PLCB4: variants seen among roughly 807,000 people sequenced by gnomAD.
PLCB4 encodes the protein phospholipase C beta 4.
Under a neutral mutation model 178.8 loss-of-function variants are expected in PLCB4, and 77 were observed. The observed-to-expected ratio is 0.43, with a 90% CI of 0.36 to 0.52. PLCB4 has a LOEUF of 0.52. Among genes scored for constraint, PLCB4 ranks in the 20% least tolerant of loss-of-function variants. The probability of loss-of-function intolerance (pLI) is 0.00; values close to 1 mark genes in which losing one functional copy is unlikely to be tolerated. For synonymous variants in PLCB4, 496 were observed against 490.8 expected, an observed-to-expected ratio of 1.01 and a Z score of -0.14; for missense variants, 1,024 against 1,453.4, an observed-to-expected ratio of 0.70 and a Z score of 4.80.
chr20:9,206,552 A>C (rs1255043730), intron 2 of PLCB4, among the ~76,000 whole-genome samples: 2 of 152,074 alleles, frequency 1.3e-5, no homozygotes, highest in African/African-American at 2.4e-5. Flanking sequence ...TTAGCTTATG[A>C]AGGAGGGAAG....
intron 4 of PLCB4, among the ~76,000 whole-genome samples, chr20:9,311,085 A>G (rs1339514075): frequency 4.6e-5 from 7 of 152,214 alleles, no homozygotes; most frequent in Admixed American, 4.6e-4. Flanking sequence ...GTGTTTTTAA[A>G]AATACATGCA....
At position 9,327,509 on chromosome 20, in the gene PLCB4, G is replaced by T. The variant is rs556003195; in HGVS notation, c.85-9617G>T. On this transcript the variant is annotated intron_variant, in intron 4 of 39. Coordinates refer to ENST00000378473, the MANE Select transcript of PLCB4 (RefSeq NM_001377142.1). ...AAATCAATACTGGCCGGGCGCGGTG[G>T]CTCCCGCCTGTAGTCTCAGCACTTT... Among the ~76,000 whole-genome samples, 76 of 152,054 alleles carry T rather than the reference G, an allele frequency of 5.0e-4. 1 individual carries two copies. The South Asian group carries it at 0.01, about 21-fold the overall frequency.
At position 9,372,419 on chromosome 20, in the gene PLCB4, G is replaced by A; in HGVS notation, c.686+16G>A. Reference sequence around the variant, plus strand: ...TCAAAAAAATGTAAGTTCCACTTATGAGGAAGTGCCATATAAATATTATCA... The same window carrying A: ...TCAAAAAAATGTAAGTTCCACTTATAAGGAAGTGCCATATAAATATTATCA... On this transcript the variant is annotated intron_variant, in intron 11 of 39. Transcript: ENST00000378473. 1 of 1,253,198 alleles carries A rather than the reference G, an allele frequency of 8.0e-7. No individual in the cohort carries two copies. Among genetic ancestry groups the A allele is most frequent in the Non-Finnish European group, 1.2e-6 (1 of 859,794 alleles). 77.6% of individuals were successfully genotyped at this position (1,253,198 alleles called of 1,614,324 possible). A position where few individuals can be genotyped will look rare whatever the true frequency, so the allele number is the denominator to read the frequency against.
At chr20:9,159,524 TCATG>T (rs1238286798) in intron 2 of PLCB4, among the ~76,000 whole-genome samples, 42 of 152,222 alleles carry the variant, frequency 2.8e-4, no homozygotes, top group Non-Finnish European at 5.1e-4. Context: ...TAAAAGCAAT[TCATG>T]AACATACTTA....
chr20:9,195,347 A>G (rs562844013), intron 2 of PLCB4, among the ~76,000 whole-genome samples: 2 of 152,314 alleles, frequency 1.3e-5, no homozygotes, highest in East Asian at 1.9e-4. Flanking sequence ...TGTGTTGGTT[A>G]ATTTTATACG....
At chr20:9,459,872 G>T in intron 35 of PLCB4, 62 bp downstream of exon 35, 1 of 1,119,364 alleles carries the variant, frequency 8.9e-7, no homozygotes, top group Non-Finnish European at 1.3e-6. Context: ...CTGATTTTGT[G>T]TGTATAAGAG....
At chr20:9,349,687 A>G (rs893071429) in intron 7 of PLCB4, among the ~76,000 whole-genome samples, 7 of 152,338 alleles carry the variant, frequency 4.6e-5, no homozygotes, top group Non-Finnish European at 7.3e-5. Context: ...CCTAGTTGCA[A>G]GTGTTATCAA....
At chr20:9,246,629 A>G (rs907303084) in intron 3 of PLCB4, among the ~76,000 whole-genome samples, 2 of 151,520 alleles carry the variant, frequency 1.3e-5, no homozygotes, top group Non-Finnish European at 2.9e-5. Flanking sequence ...TGTGTATCCT[A>G]ACATCGTCTG....
At chr20:9,224,099 A>G (rs2093833432) in intron 3 of PLCB4, among the ~76,000 whole-genome samples, 1 of 152,188 alleles carries the variant, frequency 6.6e-6, no homozygotes, top group Non-Finnish European at 1.5e-5. Context: ...AAGGGAAGAG[A>G]CTTATGAGTT....
At chr20:9,214,586 C>CAT (rs2093708649) in intron 2 of PLCB4, among the ~76,000 whole-genome samples, 1 of 151,890 alleles carries the variant, frequency 6.6e-6, no homozygotes, top group Admixed American at 6.6e-5. Flanking sequence ...CACACACACA[C>CAT]ACACACAGCC....
At chr20:9,138,098 C>T (rs2092419352) in intron 2 of PLCB4, among the ~76,000 whole-genome samples, 1 of 151,990 alleles carries the variant, frequency 6.6e-6, no homozygotes, top group Non-Finnish European at 1.5e-5. Flanking sequence ...GAGCAAGTGA[C>T]ATTGAGTTGG....
chr20:9,130,643 A>G (rs2092249205), intron 2 of PLCB4, among the ~76,000 whole-genome samples: 1 of 152,190 alleles, frequency 6.6e-6, no homozygotes, highest in Non-Finnish European at 1.5e-5. Flanking sequence ...GCACATGATA[A>G]TTTATCTCCT....
At chr20:9,190,197 A>G (rs1205085489) in intron 2 of PLCB4, among the ~76,000 whole-genome samples, 1 of 152,156 alleles carries the variant, frequency 6.6e-6, no homozygotes, top group East Asian at 1.9e-4. Flanking sequence ...GAGGATACCT[A>G]GAAGCTGACT....
chr20:9,167,426 G>A (rs937955109), intron 2 of PLCB4, among the ~76,000 whole-genome samples: 1 of 152,032 alleles, frequency 6.6e-6, no homozygotes, highest in African/African-American at 2.4e-5. Context: ...ACATATTTCA[G>A]TATTTTGTTT....
chr20:9,130,327 A>G (rs1249224118), intron 2 of PLCB4, among the ~76,000 whole-genome samples: 1 of 152,188 alleles, frequency 6.6e-6, no homozygotes, highest in Non-Finnish European at 1.5e-5. Context: ...AACTGCAGCC[A>G]GCTTCCACAC....
chr20:9,112,075 G>A lies in PLCB4; in HGVS notation c.-79+15733G>A, dbSNP rs76293366. Among the ~76,000 whole-genome samples the A allele has an allele frequency of 4.4e-3, 673 of 152,074 alleles. 6 individuals are homozygous for A. The highest frequency in any genetic ancestry group is 0.015 in the African/African-American group (633 of 41,498). On this transcript the variant is annotated intron_variant, in intron 2 of 39. Coordinates refer to ENST00000378473, the MANE Select transcript of PLCB4 (RefSeq NM_001377142.1). Reference sequence around the variant, plus strand: ...TTTATTTTGGATAGTCCCTTTACCTGTGCTTTACTTTCATTATCACAAAAA... The same window carrying A: ...TTTATTTTGGATAGTCCCTTTACCTATGCTTTACTTTCATTATCACAAAAA...
intron 4 of PLCB4, among the ~76,000 whole-genome samples, chr20:9,313,011 A>G (rs1219982363): frequency 3.9e-5 from 6 of 152,226 alleles, no homozygotes; most frequent in Admixed American, 3.3e-4. Flanking sequence ...ACATTTTTCT[A>G]TAGAAGTAAA....
intron 2 of PLCB4, among the ~76,000 whole-genome samples, chr20:9,100,836 C>G (rs75491543): frequency 6.6e-6 from 1 of 152,080 alleles, no homozygotes; most frequent in Non-Finnish European, 1.5e-5. Flanking sequence ...TCCTCCTGTG[C>G]GCTGATTCCC....
rs142545105 is a variant in PLCB4 at position 9,355,484 on chromosome 20, C to T, written c.370-7412C>T. On this transcript the variant is annotated intron_variant, in intron 7 of 39. Transcript: ENST00000378473. ...AACAGTCCCCAGAGTGTGATGTCCC[C>T]CTTCCTGTGTCCATGTGTTCTCATT... is the stretch of plus-strand genomic sequence containing the variant. Among the ~76,000 whole-genome samples the T allele has an allele frequency of 7.1e-3, 1,078 of 152,036 alleles. 11 individuals carry two copies. The highest frequency in any genetic ancestry group is 0.023 in the African/African-American group (970 of 41,442).
Sources: gnomAD v4.1 joint callset for allele counts (sites outside exome capture counted in the v4.1 genomes callset) on GRCh38, gnomAD v4.1.1 for gene constraint, MANE v1.5 for transcripts, NCBI Gene and HGNC (gene_info 2026-07-23, HGNC 2026-07-21) for gene names.